Variants in RPGRIP1L observed in about 807,000 individuals in gnomAD.
The protein encoded by RPGRIP1L is protein fantom.
A neutral mutation model predicts 160.4 loss-of-function variants in RPGRIP1L; 131 were observed. That is an observed-to-expected ratio of 0.82 (90% CI 0.71 to 0.94). RPGRIP1L has a LOEUF of 0.94. RPGRIP1L is among the 40% of genes least tolerant of loss of function. The pLI, the probability that RPGRIP1L is intolerant of heterozygous loss-of-function variation, is 0.00. For synonymous variants in RPGRIP1L, 510 were observed against 515.8 expected (o/e 0.99, Z 0.15); for missense variants, 1,522 against 1,535.8 (o/e 0.99, Z 0.15).
intron 13 of RPGRIP1L, among the ~76,000 whole-genome samples, chr16:53,656,893 C>T (rs1967301559): frequency 6.6e-6 from 1 of 152,138 alleles, no homozygotes; most frequent in African/African-American, 2.4e-5. Context: ...TGTGCTAAAG[C>T]TAACAAAGGT....
At chr16:53,645,209 C>T (rs1468296500) in intron 17 of RPGRIP1L, among the ~76,000 whole-genome samples, 1 of 151,986 alleles carries the variant, frequency 6.6e-6, no homozygotes, top group Non-Finnish European at 1.5e-5. Flanking sequence ...TCTTACTTCT[C>T]TTAACCTCTT....
At chr16:53,700,588 A>T (rs1971319539) in intron 2 of RPGRIP1L, 51 bp downstream of exon 2, 2 of 1,363,622 alleles carry the variant, frequency 1.5e-6, no homozygotes, top group African/African-American at 1.4e-5. Context: ...TTAAATTAAA[A>T]GTAGTCAGTG....
intron 26 of RPGRIP1L, among the ~76,000 whole-genome samples, chr16:53,604,944 T>TA (rs1480262190): frequency 6.6e-6 from 1 of 151,958 alleles, no homozygotes; most frequent in African/African-American, 2.4e-5. Context: ...TTGGGAGGCC[T>TA]AGGTGGGCAG....
chr16:53,691,640 C>T (rs1970387859), intron 4 of RPGRIP1L, among the ~76,000 whole-genome samples: 1 of 152,184 alleles, frequency 6.6e-6, no homozygotes. Context: ...TGTCATGCTA[C>T]CGCCATCCAA....
chr16:53,655,599 T>C (rs1013035219), intron 14 of RPGRIP1L: 1 of 152,208 alleles, frequency 6.6e-6, no homozygotes, highest in Non-Finnish European at 1.5e-5. Flanking sequence ...ACTTACAGCT[T>C]CTGAGTGCAT....
At chr16:53,680,083 A>G (rs1295675175) in intron 6 of RPGRIP1L, among the ~76,000 whole-genome samples, 1 of 152,200 alleles carries the variant, frequency 6.6e-6, no homozygotes. Flanking sequence ...ACACTCATAT[A>G]CTAGTAACTA....
At chr16:53,611,116 T>C in intron 24 of RPGRIP1L, 65 bp from the exon 25 acceptor site, 1 of 1,102,990 alleles carries the variant, frequency 9.1e-7, no homozygotes, top group Non-Finnish European at 1.4e-6. Context: ...ATTAGTACCA[T>C]TCTGTATTTT....
intron 24 of RPGRIP1L, among the ~76,000 whole-genome samples, chr16:53,611,575 C>A (rs573723158): frequency 2.0e-5 from 3 of 152,248 alleles, no homozygotes; most frequent in Admixed American, 2.0e-4. Flanking sequence ...GGGAGAGAAA[C>A]GTGCAGGGAG....
Position 53,657,496 on chromosome 16 carries a change from C to G in RPGRIP1L, c.1538G>C (p.Arg513Thr). The part of the protein sequence containing the change: ...AETVQELEKT[R>T]NMLIMQHKIN... ...TTTGTGTTGCATAATTAGCATGTTT[C>G]TTGTCTTTTCCAGCTCTTGCACCGT... Residue 513 changes from arginine (R) to threonine (T), a missense_variant, in exon 13 of 27, where the codon AGA becomes ACA. Physicochemically the swap from Arg to Thr is moderately conservative, Grantham distance 71. Coordinates refer to ENST00000647211, the MANE Select transcript of RPGRIP1L (RefSeq NM_015272.5). The G allele has an allele frequency of 1.2e-6, 2 of 1,612,950 alleles. No homozygotes were observed. The highest frequency in any genetic ancestry group is 1.7e-6 in the Non-Finnish European group (2 of 1,179,434).
chr16:53,679,310 T>C (rs973142744), intron 6 of RPGRIP1L, among the ~76,000 whole-genome samples: 1 of 152,148 alleles, frequency 6.6e-6, no homozygotes, highest in African/African-American at 2.4e-5. Context: ...AGAACTCAAA[T>C]CCTGGCTCAT....
intron 26 of RPGRIP1L, among the ~76,000 whole-genome samples, chr16:53,603,335 G>GA (rs1963483563): frequency 6.6e-6 from 1 of 152,046 alleles, no homozygotes; most frequent in Non-Finnish European, 1.5e-5. Context: ...TATAGTTTCT[G>GA]TTTTTTTCTT....
chr16:53,647,357 G>A lies in RPGRIP1L; in HGVS notation c.2305-1354C>T, dbSNP rs16952417. ...ATAGTAGAAATATGGCTGGACCTTC[G>A]GAAGGCAGTGGCCTAGAAACCAGCA... On this transcript the variant is annotated intron_variant, in intron 16 of 26. Coordinates refer to ENST00000647211, the MANE Select transcript of RPGRIP1L (RefSeq NM_015272.5). 2.7e-3 allele frequency among the ~76,000 whole-genome samples: 418 copies of A among 152,286 alleles called. 17 individuals carry two copies. In the East Asian group the frequency reaches 0.071, roughly 26 times the overall value.
At chr16:53,662,498 T>A (rs750624711) in intron 10 of RPGRIP1L, among the ~76,000 whole-genome samples, 7 of 152,120 alleles carry the variant, frequency 4.6e-5, no homozygotes, top group Non-Finnish European at 1.0e-4. Context: ...AAACATCTTC[T>A]GGCAAAGAAC....
Position 53,641,403 on chromosome 16 carries a change from G to A in RPGRIP1L, c.2756C>T (p.Ala919Val), listed in dbSNP as rs1966213170. The change falls in exon 18 of 27, where the codon GCT becomes GTT. Residue 919 changes from alanine (A) to valine (V), a missense_variant. By Grantham distance (64) the Ala-to-Val change is moderately conservative (BLOSUM62 0). Coordinates refer to ENST00000647211, the MANE Select transcript of RPGRIP1L (RefSeq NM_015272.5). Reference protein sequence around the residue: ...TIHVILKWKFAYLPPSGSITT... With the variant: ...TIHVILKWKFVYLPPSGSITT... The stretch of plus-strand genomic sequence containing the variant: ...TATTGATCCACTTGGTGGAAGGTAA[G>A]CAAATTTCCATTTCAATATAACATG... The A allele has an allele frequency of 6.2e-7, 1 of 1,613,926 alleles. No homozygotes were observed. The highest frequency in any genetic ancestry group is 1.3e-5 in the African/African-American group (1 of 74,924).
chr16:53,633,155 A>G (rs562745692), intron 22 of RPGRIP1L, among the ~76,000 whole-genome samples: 1 of 152,360 alleles, frequency 6.6e-6, no homozygotes, highest in South Asian at 2.1e-4. Flanking sequence ...GATTTTTACC[A>G]GAAGCAGTTC....
intron 17 of RPGRIP1L, among the ~76,000 whole-genome samples, chr16:53,642,953 C>T (rs1375765857): frequency 6.6e-6 from 1 of 152,164 alleles, no homozygotes; most frequent in Non-Finnish European, 1.5e-5. Flanking sequence ...AGCCAAAACA[C>T]CAGAAGGCCA....
Position 53,605,586 on chromosome 16 carries a change from G to C in RPGRIP1L, c.3730C>G (p.Pro1244Ala). ...SLRFTVVSDP[P>A]EDEQDLECED... ...CACTCCAGGTCCTGCTCGTCCTCTG[G>C]AGGGTCACTGACCACGGTGAAGCGA... is the stretch of plus-strand genomic sequence containing the variant. Residue 1244 changes from proline to alanine, a missense_variant, in exon 26 of 27, where the codon CCA becomes GCA. Pro to Ala is a conservative substitution (Grantham distance 27). Transcript: ENST00000647211. The C allele has an allele frequency of 6.2e-7, 1 of 1,614,082 alleles. No homozygotes were observed. The highest frequency in any genetic ancestry group is 8.5e-7 in the Non-Finnish European group (1 of 1,180,006).
intron 10 of RPGRIP1L, among the ~76,000 whole-genome samples, chr16:53,660,622 G>A (rs534162088): frequency 5.3e-5 from 8 of 152,096 alleles, no homozygotes; most frequent in African/African-American, 1.4e-4. Flanking sequence ...CAAGGCTGGC[G>A]CAGTGGCTCA....
At chr16:53,695,407 C>T in intron 3 of RPGRIP1L, 1 of 702,966 alleles carries the variant, frequency 1.4e-6, no homozygotes, top group Non-Finnish European at 2.6e-6. Flanking sequence ...GGATTCTAAG[C>T]AGAAAAACCC....
Sources: gnomAD v4.1 joint callset for allele counts (sites outside exome capture counted in the v4.1 genomes callset) on GRCh38, gnomAD v4.1.1 for gene constraint, MANE v1.5 for transcripts, NCBI Gene and HGNC (gene_info 2026-07-23, HGNC 2026-07-21) for gene names.